Variants in LRRTM4 observed in about 807,000 individuals in gnomAD.
The protein encoded by LRRTM4 is leucine rich repeat transmembrane neuronal 4, also known as leucine-rich repeat transmembrane neuronal protein 4.
A neutral mutation model predicts 47.6 loss-of-function variants in LRRTM4; 25 were observed. The ratio of observed to expected loss-of-function variants is 0.53; its 90% CI spans 0.38 to 0.73. The LOEUF is 0.73. Among genes scored for constraint, LRRTM4 ranks in the 30% least tolerant of loss-of-function variants. The pLI is 0.00. For synonymous variants in LRRTM4, 311 were observed against 269.5 expected (o/e 1.15, Z -1.51); for missense variants, 638 against 713.4 (o/e 0.89, Z 1.20).
chr2:77,434,241 T>G (rs1349191759), intron 3 of LRRTM4, among the ~76,000 whole-genome samples: 1 of 133,266 alleles, frequency 7.5e-6, no homozygotes, highest in Non-Finnish European at 1.7e-5. Context: ...AGATCCCAGA[T>G]TGGGAAAAAA....
chr2:77,165,606 C>A (rs1672858569), intron 3 of LRRTM4, among the ~76,000 whole-genome samples: 1 of 152,160 alleles, frequency 6.6e-6, no homozygotes, highest in African/African-American at 2.4e-5. Flanking sequence ...AAAAGCTTAT[C>A]CACCATGATC....
intron 3 of LRRTM4, among the ~76,000 whole-genome samples, chr2:77,480,599 C>T (rs750334935): frequency 6.6e-6 from 1 of 152,086 alleles, no homozygotes; most frequent in African/African-American, 2.4e-5. Context: ...TTTCTTTCTG[C>T]TTACTCCACA....
At position 77,350,158 on chromosome 2, in the gene LRRTM4, T is replaced by TA. The variant is rs573449261; in HGVS notation, c.1551+168159dup. Among the ~76,000 whole-genome samples the TA allele has an allele frequency of 6.5e-4, 95 of 145,082 alleles. 1 individual carries two copies. In the South Asian group the frequency reaches 0.014, roughly 22 times the overall value. Reference sequence around the variant, plus strand: ...TAACAAGGTGAAACCCCGTCTCTACTAAAAAAAAATACAAAAAATTAGCCG... The same window carrying TA: ...TAACAAGGTGAAACCCCGTCTCTACTAAAAAAAAAATACAAAAAATTAGCCG... On this transcript the variant is annotated intron_variant, in intron 3 of 3. Transcript: ENST00000409884.
In LRRTM4 at chr2:76,762,781, G is replaced by T. The variant is rs191467108; in HGVS notation, c.1552-13865C>A. On this transcript the variant is annotated intron_variant, in intron 3 of 3. Transcript: ENST00000409884. The stretch of plus-strand genomic sequence containing the variant: ...TTGAGACCAGCCTGGGCAACATGGT[G>T]GGAACATGGCTCTACACACCACAGT... 4.6e-3 allele frequency among the ~76,000 whole-genome samples: 700 copies of T among 152,178 alleles called. 11 individuals carry two copies. Among genetic ancestry groups the T allele is most frequent in the African/African-American group, 0.015 (634 of 41,500 alleles).
chr2:76,822,365 CATAAA>C (rs1671077381), intron 3 of LRRTM4, among the ~76,000 whole-genome samples: 1 of 151,024 alleles, frequency 6.6e-6, no homozygotes, highest in Non-Finnish European at 1.5e-5. Flanking sequence ...CAGAAATAAA[CATAAA>C]AGAAAATCCA....
At chr2:77,103,644 A>ATT (rs1355247363) in intron 3 of LRRTM4, among the ~76,000 whole-genome samples, 4 of 110,498 alleles carry the variant, frequency 3.6e-5, no homozygotes, top group African/African-American at 9.0e-5. Flanking sequence ...TATATACATG[A>ATT]GTGTATATAT....
At chr2:76,936,261 A>C (rs1476433122) in intron 3 of LRRTM4, among the ~76,000 whole-genome samples, 2 of 152,152 alleles carry the variant, frequency 1.3e-5, no homozygotes, top group African/African-American at 4.8e-5. Flanking sequence ...TGCAGCCATA[A>C]AAAAGGACAA....
At chr2:77,417,545 T>C (rs1229075413) in intron 3 of LRRTM4, among the ~76,000 whole-genome samples, 1 of 152,162 alleles carries the variant, frequency 6.6e-6, no homozygotes, top group African/African-American at 2.4e-5. Flanking sequence ...ATATACACCA[T>C]GGAACACTAT....
intron 3 of LRRTM4, among the ~76,000 whole-genome samples, chr2:77,301,860 C>T (rs935012903): frequency 1.2e-4 from 18 of 152,042 alleles, no homozygotes; most frequent in African/African-American, 4.3e-4. Context: ...TGCCTCTGAC[C>T]TCCACTCATA....
chr2:77,241,788 T>C (rs952587010), intron 3 of LRRTM4, among the ~76,000 whole-genome samples: 4 of 152,124 alleles, frequency 2.6e-5, no homozygotes, highest in African/African-American at 7.2e-5. Context: ...CTAAGACTTG[T>C]ATAGTTTTAG....
intron 3 of LRRTM4, among the ~76,000 whole-genome samples, chr2:77,406,861 A>G (rs1364182462): frequency 6.6e-6 from 1 of 152,098 alleles, no homozygotes; most frequent in Non-Finnish European, 1.5e-5. Context: ...CTTGTACCTT[A>G]AACAAATATG....
At chr2:77,066,078 AC>A (rs1179406955) in intron 3 of LRRTM4, among the ~76,000 whole-genome samples, 1 of 152,152 alleles carries the variant, frequency 6.6e-6, no homozygotes, top group East Asian at 1.9e-4. Context: ...GTGTACTATA[AC>A]TTTTTCTATG....
At chr2:76,950,824 T>C (rs1455758735) in intron 3 of LRRTM4, among the ~76,000 whole-genome samples, 1 of 152,012 alleles carries the variant, frequency 6.6e-6, no homozygotes, top group Non-Finnish European at 1.5e-5. Context: ...TAAGACTAGA[T>C]TCAGCCATAT....
At chr2:77,325,768 C>T (rs1670747023) in intron 3 of LRRTM4, among the ~76,000 whole-genome samples, 2 of 152,112 alleles carry the variant, frequency 1.3e-5, no homozygotes, top group South Asian at 4.1e-4. Flanking sequence ...AAGCTTTTTT[C>T]CCCACCTCTG....
intron 3 of LRRTM4, among the ~76,000 whole-genome samples, chr2:76,814,177 A>T (rs1194736142): frequency 2.0e-5 from 3 of 152,106 alleles, no homozygotes; most frequent in African/African-American, 4.8e-5. Flanking sequence ...TTTTCATCCA[A>T]TCTATTTATT....
chr2:77,304,981 T>C (rs1677234278), intron 3 of LRRTM4, among the ~76,000 whole-genome samples: 1 of 152,176 alleles, frequency 6.6e-6, no homozygotes, highest in Non-Finnish European at 1.5e-5. Flanking sequence ...AGAGCCTAAA[T>C]TAGCCAATCT....
chr2:77,042,870 G>C (rs1418179897), intron 3 of LRRTM4, among the ~76,000 whole-genome samples: 1 of 151,638 alleles, frequency 6.6e-6, no homozygotes, highest in Non-Finnish European at 1.5e-5. Context: ...AAAGTCTCTG[G>C]AATGGGCCAT....
intron 3 of LRRTM4, among the ~76,000 whole-genome samples, chr2:77,382,446 G>T (rs758466791): frequency 6.6e-6 from 1 of 152,084 alleles, no homozygotes; most frequent in Non-Finnish European, 1.5e-5. Flanking sequence ...CCAAGAAATT[G>T]TAAGTCAGTG....
chr2:77,085,594 T>C (rs900547582), intron 3 of LRRTM4, among the ~76,000 whole-genome samples: 1 of 152,118 alleles, frequency 6.6e-6, no homozygotes, highest in Non-Finnish European at 1.5e-5. Context: ...AATATGCCAT[T>C]TGTTCATTTT....
Sources: allele counts gnomAD v4.1 joint callset (sites outside exome capture counted in the v4.1 genomes callset), GRCh38; gene constraint gnomAD v4.1.1; transcripts MANE v1.5; gene names NCBI Gene and HGNC (gene_info 2026-07-23, HGNC 2026-07-21).